Variants in SYT1 observed in about 807,000 individuals in gnomAD.
SYT1 encodes the protein synaptotagmin-1.
A neutral mutation model predicts 44.8 loss-of-function variants in SYT1; 8 were observed. The observed-to-expected ratio is 0.18, with a 90% CI of 0.10 to 0.32. SYT1 has a LOEUF of 0.32. Ranked by LOEUF, SYT1 falls within the 10% of genes least tolerant of loss-of-function variation. The pLI is 1.00. For synonymous variants in SYT1, 154 were observed against 188.8 expected, an observed-to-expected ratio of 0.82 and a Z score of 1.51; for missense variants, 286 against 509.3, an observed-to-expected ratio of 0.56 and a Z score of 4.22.
chr12:79,129,404 C>G (rs1047380480), intron 3 of SYT1, among the ~76,000 whole-genome samples: 6 of 152,076 alleles, frequency 3.9e-5, no homozygotes, highest in African/African-American at 1.4e-4. Context: ...ATCAAATGCT[C>G]AATAGACCCA....
At chr12:78,960,552 C>T (rs1048722186) in intron 1 of SYT1, 4 of 152,288 alleles carry the variant, frequency 2.6e-5, no homozygotes, top group South Asian at 4.1e-4. Flanking sequence ...CAAATGTTCT[C>T]GCGTGCTTCC....
chr12:78,890,390 G>A lies in SYT1; in HGVS notation c.-217+25281G>A, dbSNP rs146469821. 5.5e-3 allele frequency among the ~76,000 whole-genome samples: 843 copies of A among 151,928 alleles called. 12 individuals are homozygous for A. The highest frequency in any genetic ancestry group is 0.019 in the African/African-American group (776 of 41,474). On this transcript the variant is annotated intron_variant, in intron 1 of 10. Transcript: ENST00000261205. Reference sequence around the variant, plus strand: ...AACATCACACACTGGGGCCTGTCGTGGGGTGACGGGAGCGGGGAAGGATAG... The same window carrying A: ...AACATCACACACTGGGGCCTGTCGTAGGGTGACGGGAGCGGGGAAGGATAG...
At chr12:78,915,031 A>T (rs1011626234) in intron 1 of SYT1, among the ~76,000 whole-genome samples, 4 of 151,988 alleles carry the variant, frequency 2.6e-5, no homozygotes, top group Non-Finnish European at 4.4e-5. Flanking sequence ...ATAACTAGTA[A>T]TCTCTTTAAA....
At chr12:79,090,449 T>A (rs549425565) in intron 3 of SYT1, among the ~76,000 whole-genome samples, 1 of 152,076 alleles carries the variant, frequency 6.6e-6, no homozygotes, top group South Asian at 2.1e-4. Context: ...CCTCTCACAC[T>A]TTCCTGTTTT....
chr12:79,022,101 A>G (rs866079597), intron 2 of SYT1, among the ~76,000 whole-genome samples: 10 of 148,370 alleles, frequency 6.7e-5, no homozygotes, highest in African/African-American at 9.9e-5. Flanking sequence ...TTTGCGGAAG[A>G]AAAAAAAAAG....
intron 8 of SYT1, among the ~76,000 whole-genome samples, chr12:79,345,696 G>A (rs572170467): frequency 4.6e-5 from 7 of 152,226 alleles, no homozygotes; most frequent in Non-Finnish European, 8.8e-5. Context: ...TACTTCAGGA[G>A]TATGAGAGTA....
rs575983702 is a variant in SYT1, at chr12:78,992,323, T to C, written c.-84+14392T>C. ...CTAAGATAAGATATGAAGGTAGTTATGGTTTTTCCCAAACTATTTTGACTT... is the reference window on the plus strand; with the variant it reads ...CTAAGATAAGATATGAAGGTAGTTACGGTTTTTCCCAAACTATTTTGACTT... On this transcript the variant is annotated intron_variant, in intron 2 of 10. Coordinates refer to ENST00000261205, the MANE Select transcript of SYT1 (RefSeq NM_005639.3). Among the ~76,000 whole-genome samples the C allele has an allele frequency of 8.5e-5, 13 of 152,348 alleles. No individual in the cohort carries two copies. The East Asian group carries it at 1.9e-3, about 23-fold the overall frequency.
At chr12:79,409,063 T>C (rs1868329105) in intron 9 of SYT1, among the ~76,000 whole-genome samples, 1 of 152,110 alleles carries the variant, frequency 6.6e-6, no homozygotes, top group South Asian at 2.1e-4. Context: ...AGCAAGCAGT[T>C]AGTTCCACAA....
intron 1 of SYT1, among the ~76,000 whole-genome samples, chr12:78,873,231 C>T (rs1185445810): frequency 6.6e-6 from 1 of 151,624 alleles, no homozygotes; most frequent in Non-Finnish European, 1.5e-5. Context: ...TTGGAACTTA[C>T]TGCCTCAGCA....
intron 4 of SYT1, among the ~76,000 whole-genome samples, chr12:79,262,909 T>C (rs1877909869): frequency 6.6e-6 from 1 of 152,102 alleles, no homozygotes; most frequent in African/African-American, 2.4e-5. Flanking sequence ...ACAAAAAAGA[T>C]AGAGTACATA....
At chr12:79,373,396 A>G (rs1883869766) in intron 9 of SYT1, among the ~76,000 whole-genome samples, 1 of 152,258 alleles carries the variant, frequency 6.6e-6, no homozygotes, top group Non-Finnish European at 1.5e-5. Flanking sequence ...AAAAATGTAA[A>G]AGATAAAGCA....
At chr12:79,367,459 T>C (rs1404221143) in intron 9 of SYT1, among the ~76,000 whole-genome samples, 2 of 152,178 alleles carry the variant, frequency 1.3e-5, no homozygotes, top group Non-Finnish European at 2.9e-5. Flanking sequence ...GTATTTGTTG[T>C]TCATTGCTAC....
chr12:79,157,448 A>G (rs1363771874), intron 3 of SYT1, among the ~76,000 whole-genome samples: 1 of 152,184 alleles, frequency 6.6e-6, no homozygotes, highest in Non-Finnish European at 1.5e-5. Flanking sequence ...TTTGAAATAG[A>G]AAGTGACAAA....
intron 3 of SYT1, among the ~76,000 whole-genome samples, chr12:79,129,671 C>G (rs961875249): frequency 7.9e-5 from 12 of 152,122 alleles, no homozygotes; most frequent in African/African-American, 2.9e-4. Flanking sequence ...TGAAAGTGTG[C>G]TAAGAGTTCA....
intron 3 of SYT1, among the ~76,000 whole-genome samples, chr12:79,210,382 G>A (rs1269439106): frequency 2.6e-5 from 4 of 151,990 alleles, no homozygotes; most frequent in African/African-American, 9.7e-5. Context: ...CATATTTGTA[G>A]TCTTTTATCT....
At chr12:79,206,346 C>G (rs546099417) in intron 3 of SYT1, among the ~76,000 whole-genome samples, 1 of 152,078 alleles carries the variant, frequency 6.6e-6, no homozygotes, top group African/African-American at 2.4e-5. Context: ...AGGTTTCAGA[C>G]GACAACCCAG....
intron 8 of SYT1, among the ~76,000 whole-genome samples, chr12:79,307,221 G>A (rs1016568510): frequency 6.6e-6 from 1 of 152,112 alleles, no homozygotes; most frequent in African/African-American, 2.4e-5. Flanking sequence ...GAATAAGGGA[G>A]GAGAATGAGG....
intron 9 of SYT1, among the ~76,000 whole-genome samples, chr12:79,410,792 G>A (rs1868387211): frequency 6.6e-6 from 1 of 152,048 alleles, no homozygotes. Context: ...CAACATTTAA[G>A]GTCATGTATT....
intron 9 of SYT1, among the ~76,000 whole-genome samples, chr12:79,373,877 G>T (rs1179182267): frequency 2.0e-5 from 3 of 152,120 alleles, no homozygotes; most frequent in African/African-American, 7.2e-5. Flanking sequence ...TCTCACTCGT[G>T]TTTGCATTAT....
Sources: gnomAD v4.1 joint callset for allele counts (sites outside exome capture counted in the v4.1 genomes callset) on GRCh38, gnomAD v4.1.1 for gene constraint, MANE v1.5 for transcripts, NCBI Gene and HGNC (gene_info 2026-07-23, HGNC 2026-07-21) for gene names.